Variants in MARCHF8 observed in about 807,000 individuals in gnomAD.
MARCHF8 encodes E3 ubiquitin-protein ligase MARCHF8.
In MARCHF8, 40 loss-of-function variants were observed where a neutral mutation model predicts 51.6. The observed-to-expected ratio is 0.77, with a 90% confidence interval of 0.60 to 1.01. The LOEUF (loss-of-function observed/expected upper bound fraction) is 1.01, where lower values mean the gene tolerates loss of function less well. MARCHF8 is among the 50% of genes least tolerant of loss of function. The pLI is 0.00. For synonymous variants in MARCHF8, 263 were observed against 280.3 expected (o/e 0.94, Z 0.62); for missense variants, 685 against 708.6 (o/e 0.97, Z 0.38).
In MARCHF8 at chr10:45,458,552, GA is replaced by G; in HGVS notation, c.1418-10del. ...GGGCCATTCTAGGATTCCTGGAAGG[GA>G]AAAACTCAGCCTATTAGATTTTATT... is the stretch of plus-strand genomic sequence containing the variant. On this transcript the variant is annotated splice_polypyrimidine_tract_variant and intron_variant, in intron 7 of 7. Coordinates refer to ENST00000453424, the MANE Select transcript of MARCHF8 (RefSeq NM_001282866.2). 1 of 1,567,332 alleles carries G rather than the reference GA, an allele frequency of 6.4e-7. No individual in the cohort carries two copies. Among genetic ancestry groups the G allele is most frequent in the Non-Finnish European group, 8.6e-7 (1 of 1,160,606 alleles).
At chr10:45,530,135 G>A (rs1472876995) in intron 2 of MARCHF8, among the ~76,000 whole-genome samples, 6 of 152,092 alleles carry the variant, frequency 3.9e-5, no homozygotes, top group Non-Finnish European at 8.8e-5. Flanking sequence ...GTAGCAACAT[G>A]GATAGAACTG....
intron 3 of MARCHF8, among the ~76,000 whole-genome samples, chr10:45,468,422 C>T (rs1179764431): frequency 1.3e-5 from 2 of 152,228 alleles, no homozygotes; most frequent in African/African-American, 2.4e-5. Context: ...CTATTACCCA[C>T]GCCCCTCATT....
Position 45,458,991 on chromosome 10 carries a change from T to G in MARCHF8, c.1417+129A>C. Reference sequence around the variant, plus strand: ...AAAGAAATGCCAAAAAGGAGGCTAGTGCCTCCTAACTGATGTCCCTCCTCC... The same window carrying G: ...AAAGAAATGCCAAAAAGGAGGCTAGGGCCTCCTAACTGATGTCCCTCCTCC... On this transcript the variant is annotated intron_variant, in intron 7 of 7. Coordinates refer to ENST00000453424, the MANE Select transcript of MARCHF8 (RefSeq NM_001282866.2). 4 of 1,126,768 alleles carry G rather than the reference T, an allele frequency of 3.5e-6. No individual in the cohort carries two copies. In the East Asian group the frequency reaches 1.0e-4, roughly 28 times the overall value. The allele number at this position is 1,126,768 out of a possible 1,614,324, so 69.8% of individuals were successfully genotyped here.
intron 1 of MARCHF8, chr10:45,594,163 T>C (rs2044710562): frequency 6.6e-6 from 1 of 152,190 alleles, no homozygotes; most frequent in Admixed American, 6.5e-5. Context: ...TGGACAGGAA[T>C]ACGAATCGTT....
chr10:45,518,823 C>T (rs1487309051), intron 2 of MARCHF8, among the ~76,000 whole-genome samples: 1 of 152,198 alleles, frequency 6.6e-6, no homozygotes, highest in African/African-American at 2.4e-5. Context: ...CAAGAGCATT[C>T]CCAAAGCTAC....
chr10:45,571,361 G>C (rs2044426909), intron 1 of MARCHF8, among the ~76,000 whole-genome samples: 2 of 152,084 alleles, frequency 1.3e-5, no homozygotes, highest in East Asian at 3.8e-4. Flanking sequence ...CCCCCACTGA[G>C]CACCTTGTGA....
At chr10:45,587,951 A>G (rs1028980180) in intron 1 of MARCHF8, among the ~76,000 whole-genome samples, 1 of 152,134 alleles carries the variant, frequency 6.6e-6, no homozygotes, top group African/African-American at 2.4e-5. Context: ...TAAAATTAAA[A>G]TTAAAAAACT....
At chr10:45,579,696 C>T (rs896491925) in intron 1 of MARCHF8, among the ~76,000 whole-genome samples, 1 of 151,984 alleles carries the variant, frequency 6.6e-6, no homozygotes, top group Non-Finnish European at 1.5e-5. Flanking sequence ...AGCAGTTCAG[C>T]AATATGAATC....
chr10:45,588,427 C>T (rs1185301539), intron 1 of MARCHF8, among the ~76,000 whole-genome samples: 1 of 152,096 alleles, frequency 6.6e-6, no homozygotes, highest in Admixed American at 6.5e-5. Context: ...ATAAATAAAT[C>T]TCCCAACATA....
rs1280871036 is a variant in MARCHF8 at position 45,457,322 on chromosome 10, T to C, written c.*917A>G. 2.0e-5 allele frequency: 3 copies of C among 152,208 alleles called. No homozygotes were observed. The highest frequency in any genetic ancestry group is 2.9e-5 in the Non-Finnish European group (2 of 68,032). The allele number at this position is 152,208 out of a possible 1,614,324, so 9.4% of individuals were successfully genotyped here. A position where few individuals can be genotyped will look rare whatever the true frequency, so the allele number is the denominator to read the frequency against. On this transcript the variant is annotated 3_prime_UTR_variant, in exon 8 of 8. Transcript: ENST00000453424. The stretch of plus-strand genomic sequence containing the variant: ...TCAGTGTTGACAAAAAAGAAATGTA[T>C]GGGCCAGGTCTACAAAGTAACACCT...
chr10:45,459,194 A>G lies in MARCHF8; in HGVS notation c.1343T>C (p.Ile448Thr). The part of the protein sequence containing the change: ...MCSVTFHVIA[I>T]TCVVWSLYVL... Reference sequence around the variant, plus strand: ...ATACAAGGACCAGACCACACATGTGATGGCAATGACGTGGAATGTCACTGA... The same window carrying G: ...ATACAAGGACCAGACCACACATGTGGTGGCAATGACGTGGAATGTCACTGA... Residue 448 changes from isoleucine to threonine, a missense_variant, in exon 7 of 8, where the codon ATC becomes ACC. Transcript: ENST00000453424. 1.2e-6 allele frequency: 2 copies of G among 1,614,056 alleles called. No homozygotes were observed. Among genetic ancestry groups the G allele is most frequent in the Non-Finnish European group, 1.7e-6 (2 of 1,180,008 alleles).
Position 45,456,891 on chromosome 10 carries a change from TGA to T in MARCHF8, c.*1346_*1347del, listed in dbSNP as rs1842622165. ...GGTAATCCCTGATGACAGAATGCAC[TGA>T]GAGTGGGGCCAAGGGCCCTGAAGGA... On this transcript the variant is annotated 3_prime_UTR_variant, in exon 8 of 8. Transcript: ENST00000453424. The T allele has an allele frequency of 1.3e-5, 2 of 152,396 alleles. No individual in the cohort carries two copies. The highest frequency in any genetic ancestry group is 4.1e-4 in the South Asian group (2 of 4,834). The allele number at this position is 152,396 out of a possible 1,614,324, so 9.4% of individuals were successfully genotyped here. A position where few individuals can be genotyped will look rare whatever the true frequency, so the allele number is the denominator to read the frequency against.
rs1383386703 is a variant in MARCHF8, at chr10:45,463,877, T to C, written c.362A>G (p.Lys121Arg). 7 of 1,537,778 alleles carry C rather than the reference T, an allele frequency of 4.6e-6. No homozygotes were observed. In the Admixed American group the frequency reaches 1.4e-4, roughly 30 times the overall value. ...TCTCTTTGACGCCTGTAATGTGTCC[T>C]TACAGATAACTGTCACAGTGAGCCC... The part of the protein sequence containing the change: ...TQGLTVTVIC[K>R]DTLQASKRNS... The change falls in exon 5 of 8, where the codon AAG becomes AGG. Residue 121 changes from lysine (K) to arginine (R), a missense_variant. By Grantham distance (26) the Lys-to-Arg change is conservative. Coordinates refer to ENST00000453424, the MANE Select transcript of MARCHF8 (RefSeq NM_001282866.2).
At chr10:45,522,466 A>G (rs1221007090) in intron 2 of MARCHF8, among the ~76,000 whole-genome samples, 1 of 152,206 alleles carries the variant, frequency 6.6e-6, no homozygotes, top group Admixed American at 6.5e-5. Context: ...ACATCTACAC[A>G]CCTTGGGTAA....
Position 45,532,288 on chromosome 10 carries a change from A to G in MARCHF8, c.102+822T>C, listed in dbSNP as rs567111702. Among the ~76,000 whole-genome samples the G allele has an allele frequency of 1.3e-3, 197 of 152,354 alleles. 1 individual carries two copies. The highest frequency in any genetic ancestry group is 1.8e-3 in the Non-Finnish European group (120 of 68,030). On this transcript the variant is annotated intron_variant, in intron 2 of 7. Coordinates refer to ENST00000453424, the MANE Select transcript of MARCHF8 (RefSeq NM_001282866.2). Reference sequence around the variant, plus strand: ...TACAGTAAACCTGCAGTGAGGGTGTATATCAAAAAGAATCTCCCTTCCTGG... The same window carrying G: ...TACAGTAAACCTGCAGTGAGGGTGTGTATCAAAAAGAATCTCCCTTCCTGG...
At chr10:45,498,290 T>C (rs992156755) in intron 2 of MARCHF8, among the ~76,000 whole-genome samples, 1 of 152,168 alleles carries the variant, frequency 6.6e-6, no homozygotes. Flanking sequence ...AACTCTATAC[T>C]CATTAAACAA....
chr10:45,592,415 C>T (rs34618850), intron 1 of MARCHF8, among the ~76,000 whole-genome samples: 9,386 of 152,152 alleles, frequency 0.062, 331 homozygotes, highest in Non-Finnish European at 0.066. Context: ...AAATGTCTTG[C>T]AGTCAACCAC....
intron 2 of MARCHF8, among the ~76,000 whole-genome samples, chr10:45,507,844 TGTAGTTCCTGTA>T (rs1227913060): frequency 2.6e-5 from 4 of 152,070 alleles, no homozygotes; most frequent in Admixed American, 2.6e-4. Flanking sequence ...TAAAAGTGCT[TGTAGTTCCTGTA>T]GTATCAAATA....
Position 45,555,000 on chromosome 10 carries a change from G to A in MARCHF8, c.-78-21711C>T, listed in dbSNP as rs141012152. Among the ~76,000 whole-genome samples, 853 of 152,190 alleles carry A rather than the reference G, an allele frequency of 5.6e-3. 7 individuals carry two copies. The highest frequency in any genetic ancestry group is 0.019 in the African/African-American group (809 of 41,526). ...AACCCGGAGGCAGAGGCTGAAGTGA[G>A]CTGAGATTGCGCCACTGCATTCCAG... On this transcript the variant is annotated intron_variant, in intron 1 of 6. Coordinates refer to the MARCHF8 transcript ENST00000319836.
Sources: gnomAD v4.1 joint callset for allele counts (sites outside exome capture counted in the v4.1 genomes callset) on GRCh38, gnomAD v4.1.1 for gene constraint, MANE v1.5 for transcripts, NCBI Gene and HGNC (gene_info 2026-07-23, HGNC 2026-07-21) for gene names.